Variants in MEIS2 observed in about 807,000 individuals in gnomAD.
MEIS2 encodes Meis homeobox 2, also known as homeobox protein Meis2.
A neutral mutation model predicts 58.6 loss-of-function variants in MEIS2; 9 were observed. That is an observed-to-expected ratio of 0.15 (90% CI 0.09 to 0.27). The LOEUF (loss-of-function observed/expected upper bound fraction) is 0.27. Ranked by LOEUF, MEIS2 falls within the 10% of genes least tolerant of loss-of-function variation. The pLI is 1.00. For missense variants in MEIS2, 427 were observed against 635.0 expected (o/e 0.67, Z 3.52); for synonymous variants, 221 against 228.4 (o/e 0.97, Z 0.29).
intron 9 of MEIS2, among the ~76,000 whole-genome samples, chr15:36,920,118 T>A (rs1595724643): frequency 1.5e-5 from 2 of 134,730 alleles, no homozygotes; most frequent in South Asian, 2.5e-4. Context: ...CCTATACTGC[T>A]TTTATTTATT....
intron 3 of MEIS2, 104 bp from the exon 4 acceptor site, chr15:37,095,718 G>C: frequency 6.5e-7 from 1 of 1,534,984 alleles, no homozygotes; most frequent in Non-Finnish European, 8.9e-7. Context: ...GAAGAGGAAA[G>C]GGGCTTTGGC....
At chr15:36,911,003 C>A (rs957466176) in intron 9 of MEIS2, among the ~76,000 whole-genome samples, 2 of 149,918 alleles carry the variant, frequency 1.3e-5, no homozygotes, top group Non-Finnish European at 3.0e-5. Context: ...TGAGATCGCG[C>A]CACTGCACTC....
intron 10 of MEIS2, among the ~76,000 whole-genome samples, 172 bp downstream of exon 10, chr15:36,896,456 T>C (rs762204194): frequency 1.1e-4 from 16 of 152,004 alleles, no homozygotes; most frequent in Admixed American, 2.6e-4. Flanking sequence ...AATCTCCAAT[T>C]AGCACCACTT....
chr15:36,991,497 C>T (rs2060271971), intron 8 of MEIS2, among the ~76,000 whole-genome samples: 1 of 152,134 alleles, frequency 6.6e-6, no homozygotes, highest in African/African-American at 2.4e-5. Flanking sequence ...GAGCTTATTT[C>T]TCTCATGCAT....
chr15:36,929,166 A>T (rs2057867994), intron 9 of MEIS2, among the ~76,000 whole-genome samples: 1 of 152,230 alleles, frequency 6.6e-6, no homozygotes, highest in South Asian at 2.1e-4. Context: ...TACCAATCAA[A>T]TATTCATATC....
chr15:37,018,629 A>G (rs1273528690), intron 8 of MEIS2, among the ~76,000 whole-genome samples: 1 of 152,218 alleles, frequency 6.6e-6, no homozygotes, highest in Non-Finnish European at 1.5e-5. Flanking sequence ...TACCACTAGA[A>G]TTTAGACTTC....
chr15:36,988,521 A>T (rs148283394), intron 8 of MEIS2, among the ~76,000 whole-genome samples: 8 of 152,178 alleles, frequency 5.3e-5, no homozygotes, highest in African/African-American at 1.9e-4. Context: ...CTATGACTTT[A>T]CTTGTTATAA....
chr15:37,086,488 C>T (rs1892900752), intron 6 of MEIS2, among the ~76,000 whole-genome samples: 1 of 152,144 alleles, frequency 6.6e-6, no homozygotes, highest in Admixed American at 6.5e-5. Context: ...CTGGTTCTTC[C>T]AAATAAATTG....
chr15:37,070,443 T>C (rs967726716), intron 7 of MEIS2, among the ~76,000 whole-genome samples: 11 of 152,138 alleles, frequency 7.2e-5, no homozygotes, highest in African/African-American at 2.7e-4. Flanking sequence ...AGATAATGCA[T>C]AAAAGCGTTT....
intron 2 of MEIS2, chr15:37,097,291 GT>G (rs1894388572): frequency 6.6e-6 from 1 of 152,148 alleles, no homozygotes; most frequent in African/African-American, 2.4e-5. Flanking sequence ...AAGAGCTCGT[GT>G]GGTACACGTT....
At chr15:36,963,725 G>C (rs1340795625) in intron 8 of MEIS2, among the ~76,000 whole-genome samples, 1 of 152,160 alleles carries the variant, frequency 6.6e-6, no homozygotes, top group East Asian at 1.9e-4. Flanking sequence ...TTGATGGATA[G>C]CTGCCTCATC....
chr15:36,972,990 T>C (rs2059620082), intron 8 of MEIS2: 1 of 152,202 alleles, frequency 6.6e-6, no homozygotes, highest in Admixed American at 6.5e-5. Context: ...AATTAGTCTG[T>C]GTTTGCATAG....
At chr15:37,017,597 G>A (rs1205037149) in intron 8 of MEIS2, among the ~76,000 whole-genome samples, 1 of 152,042 alleles carries the variant, frequency 6.6e-6, no homozygotes, top group Non-Finnish European at 1.5e-5. Flanking sequence ...AGCAAGAACC[G>A]GCCTCACACA....
chr15:36,921,797 G>C (rs1226389647), intron 9 of MEIS2, among the ~76,000 whole-genome samples: 1 of 151,270 alleles, frequency 6.6e-6, no homozygotes, highest in African/African-American at 2.4e-5. Flanking sequence ...AAAACAACAA[G>C]AAACAAAGAC....
At chr15:37,047,693 GAT>G (rs757985069) in intron 7 of MEIS2, among the ~76,000 whole-genome samples, 4 of 152,198 alleles carry the variant, frequency 2.6e-5, no homozygotes, top group Non-Finnish European at 5.9e-5. Flanking sequence ...GAGTTGTTAT[GAT>G]ATATGAGTCT....
intron 8 of MEIS2, among the ~76,000 whole-genome samples, chr15:36,957,846 A>G (rs1228723746): frequency 6.6e-6 from 1 of 152,250 alleles, no homozygotes. Flanking sequence ...GATAAGATGC[A>G]TAAGTACTCA....
chr15:36,932,800 T>A (rs1399328321), intron 9 of MEIS2, among the ~76,000 whole-genome samples: 2 of 152,196 alleles, frequency 1.3e-5, no homozygotes. Flanking sequence ...TACAGCCTAT[T>A]GTTAAATGAG....
intron 9 of MEIS2, among the ~76,000 whole-genome samples, chr15:36,906,651 G>GAAAAAAAAAAAA (rs56715244): frequency 1.0e-5 from 1 of 96,554 alleles, no homozygotes; most frequent in Non-Finnish European, 2.1e-5. Flanking sequence ...AGCCACTCAA[G>GAAAAAAAAAAAA]AAAAAAAAAA....
rs148945531 is a variant in MEIS2, at chr15:37,040,455, C to T, written c.755-3496G>A. On this transcript the variant is annotated intron_variant, in intron 7 of 11. Transcript: ENST00000561208. ...TACCTAAAGGGTGAAGGTCTTGTTC[C>T]TCTGGAACAGCTGAGTGGGTTACGT... 2.6e-3 allele frequency among the ~76,000 whole-genome samples: 391 copies of T among 152,284 alleles called. 2 individuals are homozygous for T. Among genetic ancestry groups the T allele is most frequent in the Non-Finnish European group, 5.0e-3 (343 of 68,028 alleles).
Sources: gnomAD v4.1 joint callset for allele counts (sites outside exome capture counted in the v4.1 genomes callset) on GRCh38, gnomAD v4.1.1 for gene constraint, MANE v1.5 for transcripts, NCBI Gene and HGNC (gene_info 2026-07-23, HGNC 2026-07-21) for gene names.